STAB2: variants seen among roughly 807,000 people sequenced by gnomAD.
STAB2 encodes the protein stabilin-2.
A neutral mutation model predicts 338.1 loss-of-function variants in STAB2; 288 were observed. That is an observed-to-expected ratio of 0.85 (90% CI 0.77 to 0.94). The LOEUF (loss-of-function observed/expected upper bound fraction) is 0.94. STAB2 is among the 40% of genes least tolerant of loss of function. The pLI, the probability that STAB2 is intolerant of heterozygous loss-of-function variation, is 0.00. For synonymous variants in STAB2, 1,202 were observed against 1,193.3 expected (o/e 1.01, Z -0.15); for missense variants, 3,141 against 3,210.1 (o/e 0.98, Z 0.52).
intron 3 of STAB2, among the ~76,000 whole-genome samples, chr12:103,619,094 T>A (rs910928906): frequency 6.6e-6 from 1 of 152,232 alleles, no homozygotes; most frequent in African/African-American, 2.4e-5. Context: ...GTCCATTAAA[T>A]CTCTTTCCTT....
chr12:103,688,928 G>A (rs1187419611), intron 28 of STAB2, among the ~76,000 whole-genome samples: 1 of 152,128 alleles, frequency 6.6e-6, no homozygotes, highest in Non-Finnish European at 1.5e-5. Flanking sequence ...TTTCGGTACA[G>A]TCATTTTGGT....
chr12:103,659,605 C>T (rs530784045), intron 15 of STAB2, among the ~76,000 whole-genome samples: 2 of 152,364 alleles, frequency 1.3e-5, no homozygotes, highest in Admixed American at 6.5e-5. Context: ...TGGTCACTGC[C>T]TTCTTCTCAC....
chr12:103,749,304 G>C (rs7138637), intron 59 of STAB2, 148 bp downstream of exon 59: 4 of 920,786 alleles, frequency 4.3e-6, no homozygotes, highest in Non-Finnish European at 4.6e-6. Flanking sequence ...AAGTCATTGG[G>C]CTAAATGCAA....
At chr12:103,610,026 A>C (rs1957096803) in intron 3 of STAB2, among the ~76,000 whole-genome samples, 1 of 152,192 alleles carries the variant, frequency 6.6e-6, no homozygotes, top group Non-Finnish European at 1.5e-5. Context: ...CTTGCATCCC[A>C]GGGATGAAGC....
intron 56 of STAB2, among the ~76,000 whole-genome samples, chr12:103,743,647 G>T (rs1363234083): frequency 6.6e-6 from 1 of 152,098 alleles, no homozygotes; most frequent in Admixed American, 6.5e-5. Flanking sequence ...TGTGGCTATC[G>T]AGCACCCAAA....
chr12:103,697,114 C>T (rs1878475893), intron 33 of STAB2, among the ~76,000 whole-genome samples: 1 of 152,210 alleles, frequency 6.6e-6, no homozygotes, highest in South Asian at 2.1e-4. Context: ...TCCAGTCCCA[C>T]CTCCTCAGGG....
chr12:103,714,687 CAA>C (rs11304361), intron 42 of STAB2, among the ~76,000 whole-genome samples: 15 of 115,806 alleles, frequency 1.3e-4, no homozygotes, highest in Admixed American at 1.8e-4. Context: ...ACTCCATTTC[CAA>C]AAAAAAAAAA....
At chr12:103,653,702 G>GGATGATTA (rs1873937295) in intron 12 of STAB2, among the ~76,000 whole-genome samples, 1 of 115,176 alleles carries the variant, frequency 8.7e-6, no homozygotes, top group African/African-American at 3.5e-5. Flanking sequence ...GTCACTGGAT[G>GGATGATTA]GATGGATAGA....
At chr12:103,648,591 C>T in intron 9 of STAB2, 99 bp from the exon 10 acceptor site, 1 of 1,483,884 alleles carries the variant, frequency 6.7e-7, no homozygotes, top group South Asian at 1.4e-5. Flanking sequence ...CAACCCTGGG[C>T]ATCCTTTGCT....
rs758288121 is a variant in STAB2 at position 103,706,846 on chromosome 12, A to G, written c.4051A>G (p.Asn1351Asp). ...FGPQCQPCPG[N>D]AQNVCFGNGI... is the part of the protein sequence containing the mutation. The stretch of plus-strand genomic sequence containing the variant: ...CCCCCAATGCCAGCCCTGCCCAGGG[A>G]ATGCCCAGAATGTCTGCTTTGGTAA... The change falls in exon 38 of 69, where the codon AAT (asparagine) becomes GAT (aspartate). Residue 1351 changes from asparagine (N) to aspartate (D), a missense_variant. Asn to Asp is a conservative substitution (Grantham distance 23). Coordinates refer to ENST00000388887, the MANE Select transcript of STAB2 (RefSeq NM_017564.10). The G allele has an allele frequency of 9.9e-6, 16 of 1,614,124 alleles. No homozygotes were observed. The highest frequency in any genetic ancestry group is 1.4e-5 in the Non-Finnish European group (16 of 1,180,042).
intron 30 of STAB2, 40 bp from the exon 31 acceptor site, chr12:103,692,772 C>G: frequency 6.5e-7 from 1 of 1,549,460 alleles, no homozygotes; most frequent in Non-Finnish European, 8.9e-7. Flanking sequence ...AAGGTGCGCT[C>G]TATAAAGACT....
rs1956845628 is a variant in STAB2, at chr12:103,594,427, C to T, written c.248C>T (p.Ser83Phe). The T allele has an allele frequency of 3.7e-6, 6 of 1,613,826 alleles. No individual in the cohort carries two copies. The highest frequency in any genetic ancestry group is 1.3e-5 in the African/African-American group (1 of 74,906). The change falls in exon 3 of 69, where the codon TCT becomes TTT. Residue 83 changes from serine to phenylalanine, a missense_variant. Physicochemically the swap from Ser to Phe is radical, Grantham distance 155. Coordinates refer to ENST00000388887, the MANE Select transcript of STAB2 (RefSeq NM_017564.10). ...TTTGAGGTCAGAACATACTCTCTGT[C>T]TCTCCCCGGATGCCGCCATATTTGT... Reference protein sequence around the residue: ...YTFEVRTYSLSLPGCRHICRK... With the variant: ...YTFEVRTYSLFLPGCRHICRK...
Position 103,739,356 on chromosome 12 carries a change from T to C in STAB2, c.5698-56T>C, listed in dbSNP as rs186113229. 12 of 1,479,240 alleles carry C rather than the reference T, an allele frequency of 8.1e-6. No homozygotes were observed. The Admixed American group carries it at 2.3e-4, about 28-fold the overall frequency. The allele number at this position is 1,479,240 out of a possible 1,614,324, so 91.6% of individuals were successfully genotyped here. On this transcript the variant is annotated intron_variant, in intron 53 of 68. Transcript: ENST00000388887. ...CCATCCAGGTATTAATCAGGAACAT[T>C]TCCTTGTGTTTTCTGATATTCTTGG...
chr12:103,695,983 ACT>A (rs1280115131), intron 33 of STAB2, 139 bp downstream of exon 33: 7 of 783,078 alleles, frequency 8.9e-6, no homozygotes, highest in Non-Finnish European at 1.5e-5. Flanking sequence ...TGGTGCAGAG[ACT>A]CTCTCATACA....
In STAB2 at chr12:103,681,090, C is replaced by A. The variant is rs139313524; in HGVS notation, c.2806-2115C>A. ...GTCCCATGGTCTGGTTGTTCCACAGCGTCTGAGGGCTGCTTTCCTATTTAT... is the reference window on the plus strand; with the variant it reads ...GTCCCATGGTCTGGTTGTTCCACAGAGTCTGAGGGCTGCTTTCCTATTTAT... On this transcript the variant is annotated intron_variant, in intron 25 of 68. Transcript: ENST00000388887. Among the ~76,000 whole-genome samples the A allele has an allele frequency of 5.3e-5, 8 of 152,268 alleles. No individual in the cohort carries two copies. The East Asian group carries it at 1.5e-3, about 29-fold the overall frequency.
chr12:103,696,101 G>C (rs1878381732), intron 33 of STAB2, among the ~76,000 whole-genome samples: 1 of 152,122 alleles, frequency 6.6e-6, no homozygotes. Flanking sequence ...TTAAGGGTGT[G>C]GTGTTGGTGT....
At chr12:103,624,507 C>T (rs1246610457) in intron 5 of STAB2, among the ~76,000 whole-genome samples, 4 of 152,158 alleles carry the variant, frequency 2.6e-5, no homozygotes, top group Non-Finnish European at 5.9e-5. Context: ...AATATTGCCT[C>T]CTTTAGAGAG....
chr12:103,689,018 T>C (rs1222292737), intron 28 of STAB2, among the ~76,000 whole-genome samples: 1 of 152,208 alleles, frequency 6.6e-6, no homozygotes, highest in Non-Finnish European at 1.5e-5. Flanking sequence ...TGGTTTTTTT[T>C]TTTCTTTTTC....
Position 103,758,208 on chromosome 12 carries a change from T to C in STAB2, c.7026T>C (p.Arg2342=), listed in dbSNP as rs769732413. Residue 2342 remains arginine, a synonymous_variant, in exon 64 of 69, where the codon CGT becomes CGC. Coordinates refer to ENST00000388887, the MANE Select transcript of STAB2 (RefSeq NM_017564.10). ...ATTCCAACAGCTCAGCTCGAGGCCG[T>C]GCATTTCTAGAACACCTGACTGACC... ...LAYSNSSARG[R]AFLEHLTDLS... 1.9e-6 allele frequency: 3 copies of C among 1,614,122 alleles called. No homozygotes were observed. The highest frequency in any genetic ancestry group is 8.5e-7 in the Non-Finnish European group (1 of 1,180,022).
Sources: gnomAD v4.1 joint callset for allele counts (sites outside exome capture counted in the v4.1 genomes callset) on GRCh38, gnomAD v4.1.1 for gene constraint, MANE v1.5 for transcripts, NCBI Gene and HGNC (gene_info 2026-07-23, HGNC 2026-07-21) for gene names.